KDM4C: variants seen among roughly 807,000 people sequenced by gnomAD.
The protein encoded by KDM4C is lysine-specific demethylase 4C.
A neutral mutation model predicts 129.3 loss-of-function variants in KDM4C; 81 were observed. The observed-to-expected ratio is 0.63, with a 90% CI of 0.52 to 0.75. The LOEUF is 0.75. Among genes scored for constraint, KDM4C ranks in the 30% least tolerant of loss-of-function variants. The pLI is 0.00. For synonymous variants in KDM4C, 573 were observed against 456.1 expected (o/e 1.26, Z -3.26); for missense variants, 1,457 against 1,304.0 (o/e 1.12, Z -1.81).
chr9:6,966,960 C>CTGCT (rs1831086774), intron 8 of KDM4C, among the ~76,000 whole-genome samples: 2 of 152,164 alleles, frequency 1.3e-5, no homozygotes, highest in Admixed American at 1.3e-4. Context: ...AAGTTAAAAA[C>CTGCT]TGCTGCTCAC....
chr9:7,079,263 A>C (rs1834262691), intron 17 of KDM4C, among the ~76,000 whole-genome samples: 1 of 152,182 alleles, frequency 6.6e-6, no homozygotes, highest in Non-Finnish European at 1.5e-5. Flanking sequence ...GGCCAAAATG[A>C]GTTTGTTGAA....
intron 8 of KDM4C, among the ~76,000 whole-genome samples, chr9:6,921,384 A>G (rs1249403570): frequency 1.3e-5 from 2 of 152,206 alleles, no homozygotes; most frequent in Admixed American, 6.5e-5. Context: ...AGTGCTGTCA[A>G]AAGACTTCTC....
intron 8 of KDM4C, among the ~76,000 whole-genome samples, chr9:6,967,202 T>G (rs917726387): frequency 6.6e-6 from 1 of 152,098 alleles, no homozygotes; most frequent in Admixed American, 6.5e-5. Context: ...GGCAGGCGGA[T>G]CACTTGAGGT....
intron 1 of KDM4C, among the ~76,000 whole-genome samples, chr9:6,777,285 T>TA (rs1224484175): frequency 6.6e-6 from 1 of 152,220 alleles, no homozygotes; most frequent in Non-Finnish European, 1.5e-5. Context: ...TTCTGCCACT[T>TA]ACGTTCTCAG....
intron 16 of KDM4C, 104 bp from the exon 17 acceptor site, chr9:7,048,988 C>G: frequency 2.9e-6 from 2 of 695,482 alleles, no homozygotes; most frequent in Non-Finnish European, 5.0e-6. Flanking sequence ...TTTTGGCTTT[C>G]TTGCTCATCT....
intron 20 of KDM4C, among the ~76,000 whole-genome samples, chr9:7,166,833 T>C (rs1220879867): frequency 2.0e-5 from 3 of 152,178 alleles, no homozygotes; most frequent in Non-Finnish European, 4.4e-5. Context: ...AACATAAAAC[T>C]ATGAGCATAT....
At chr9:6,854,885 T>A (rs1839522830) in intron 5 of KDM4C, among the ~76,000 whole-genome samples, 1 of 152,228 alleles carries the variant, frequency 6.6e-6, no homozygotes, top group African/African-American at 2.4e-5. Flanking sequence ...AACTCTTTAC[T>A]CTTTACTGAG....
intron 19 of KDM4C, 35 bp downstream of exon 19, chr9:7,128,271 G>C: frequency 7.0e-7 from 1 of 1,432,638 alleles, no homozygotes; most frequent in Non-Finnish European, 9.2e-7. Flanking sequence ...GCTACCCAGA[G>C]TAATTTAAAA....
At chr9:7,090,214 C>A (rs1387519755) in intron 17 of KDM4C, among the ~76,000 whole-genome samples, 2 of 152,218 alleles carry the variant, frequency 1.3e-5, no homozygotes, top group African/African-American at 4.8e-5. Context: ...CAGATTCTTT[C>A]TCCTAAATAT....
intron 8 of KDM4C, among the ~76,000 whole-genome samples, chr9:6,930,675 TA>T (rs1823531767): frequency 2.0e-5 from 3 of 146,774 alleles, no homozygotes; most frequent in Non-Finnish European, 3.0e-5. Flanking sequence ...GTACAATTAA[TA>T]TATAATATAT....
intron 17 of KDM4C, among the ~76,000 whole-genome samples, chr9:7,092,986 T>C (rs1262010343): frequency 6.6e-6 from 1 of 152,174 alleles, no homozygotes; most frequent in Non-Finnish European, 1.5e-5. Context: ...CCACAAAATA[T>C]TTACTTTTAA....
intron 19 of KDM4C, among the ~76,000 whole-genome samples, chr9:7,142,626 G>C (rs547561039): frequency 6.6e-6 from 1 of 152,140 alleles, no homozygotes; most frequent in Admixed American, 6.5e-5. Flanking sequence ...ACTAACTTTG[G>C]TAGATAAAAT....
intron 17 of KDM4C, among the ~76,000 whole-genome samples, chr9:7,100,340 T>C (rs912107953): frequency 4.0e-5 from 6 of 151,528 alleles, no homozygotes; most frequent in African/African-American, 1.5e-4. Flanking sequence ...TGCATAAAGA[T>C]TTTTTTTTCC....
chr9:6,840,478 C>A (rs1401584043), intron 4 of KDM4C, among the ~76,000 whole-genome samples: 2 of 151,938 alleles, frequency 1.3e-5, no homozygotes, highest in East Asian at 3.9e-4. Context: ...CTCACTGTAA[C>A]CTCTGCCTCC....
intron 8 of KDM4C, among the ~76,000 whole-genome samples, chr9:6,922,513 G>A (rs1821719495): frequency 6.6e-6 from 1 of 152,368 alleles, no homozygotes; most frequent in South Asian, 2.1e-4. Flanking sequence ...TTGGGAGGCT[G>A]AGGTTGGAGG....
chr9:6,850,014 C>G (rs559237239), intron 5 of KDM4C, among the ~76,000 whole-genome samples: 18 of 152,150 alleles, frequency 1.2e-4, no homozygotes, highest in African/African-American at 3.6e-4. Flanking sequence ...ATATGTTTAG[C>G]TAAATGAATA....
intron 5 of KDM4C, among the ~76,000 whole-genome samples, chr9:6,879,702 C>T (rs1405589243): frequency 1.3e-5 from 2 of 152,188 alleles, no homozygotes; most frequent in Non-Finnish European, 1.5e-5. Context: ...CACAGAGGGT[C>T]TCTAGGCTGT....
At chr9:7,000,687 C>G (rs1202207464) in intron 12 of KDM4C, among the ~76,000 whole-genome samples, 3 of 152,058 alleles carry the variant, frequency 2.0e-5, no homozygotes, top group African/African-American at 7.2e-5. Flanking sequence ...ATGAAAACTG[C>G]AATTTCATAC....
At chr9:6,729,780 G>T (rs921871090) in intron 1 of KDM4C, among the ~76,000 whole-genome samples, 2 of 133,654 alleles carry the variant, frequency 1.5e-5, no homozygotes, top group Non-Finnish European at 3.1e-5. Flanking sequence ...GGGTCACTTT[G>T]GGCCTAAATA....
Sources: gnomAD v4.1 joint callset for allele counts (sites outside exome capture counted in the v4.1 genomes callset) on GRCh38, gnomAD v4.1.1 for gene constraint, MANE v1.5 for transcripts, NCBI Gene and HGNC (gene_info 2026-07-23, HGNC 2026-07-21) for gene names.